DNAJC2: variants seen among roughly 807,000 people sequenced by gnomAD.
DNAJC2 encodes DnaJ heat shock protein family (Hsp40) member C2, also known as dnaJ homolog subfamily C member 2.
In DNAJC2, 32 loss-of-function variants were observed where a neutral mutation model predicts 94.0. That is an observed-to-expected ratio of 0.34 (90% CI 0.26 to 0.46). The LOEUF (loss-of-function observed/expected upper bound fraction) is 0.46. Among genes scored for constraint, DNAJC2 ranks in the 20% least tolerant of loss-of-function variants. DNAJC2 has a pLI of 1.00. For missense variants in DNAJC2, 550 were observed against 719.5 expected (o/e 0.76, Z 2.69); for synonymous variants, 210 against 229.7 (o/e 0.91, Z 0.77).
chr7:103,339,406 C>T (rs1011442015), intron 2 of DNAJC2, among the ~76,000 whole-genome samples: 2 of 152,156 alleles, frequency 1.3e-5, no homozygotes, highest in East Asian at 1.9e-4. Flanking sequence ...TGTCTTTTCC[C>T]GACTCTGCCT....
chr7:103,340,026 T>C (rs552105948), intron 2 of DNAJC2, among the ~76,000 whole-genome samples: 1 of 152,174 alleles, frequency 6.6e-6, no homozygotes, highest in South Asian at 2.1e-4. Flanking sequence ...TTAGTAGAGA[T>C]GGGGTTTCAC....
intron 15 of DNAJC2, among the ~76,000 whole-genome samples, chr7:103,315,425 T>TA (rs1817995069): frequency 6.6e-6 from 1 of 152,164 alleles, no homozygotes; most frequent in Non-Finnish European, 1.5e-5. Context: ...TAAGGACATT[T>TA]TCTTATATAA....
In DNAJC2 at chr7:103,319,513, C is replaced by A. The variant is rs1013967122; in HGVS notation, c.1242+96G>T. The A allele has an allele frequency of 4.3e-5, 48 of 1,118,352 alleles. No homozygotes were observed. The African/African-American group carries it at 5.8e-4, about 13-fold the overall frequency. The allele number at this position is 1,118,352 out of a possible 1,614,324, so 69.3% of individuals were successfully genotyped here. On this transcript the variant is annotated intron_variant, in intron 12 of 16. Coordinates refer to ENST00000379263, the MANE Select transcript of DNAJC2 (RefSeq NM_014377.3). ...GGGAAACATAAAGAGAAATCAGATA[C>A]TCCCTGCACTTGGTGACTTATATAT... is the stretch of plus-strand genomic sequence containing the variant.
At chr7:103,320,828 GTCT>G in intron 10 of DNAJC2, 1 of 156,984 alleles carries the variant, frequency 6.4e-6, no homozygotes, top group Non-Finnish European at 1.2e-5. Context: ...ATCTCAGCAT[GTCT>G]TTTTTTTTTT....
At chr7:103,312,862 A>G in intron 16 of DNAJC2, 85 bp downstream of exon 16, 4 of 1,538,686 alleles carry the variant, frequency 2.6e-6, no homozygotes, top group African/African-American at 1.4e-5. Flanking sequence ...TATATTATTA[A>G]CCACTTAATA....
intron 12 of DNAJC2, 105 bp downstream of exon 12, chr7:103,319,504 A>G (rs1244643142): frequency 2.8e-6 from 3 of 1,082,608 alleles, no homozygotes; most frequent in Non-Finnish European, 4.1e-6. Context: ...CATAAAGAGA[A>G]ATCAGATACT....
chr7:103,329,573 T>A (rs906197731), intron 3 of DNAJC2: 4 of 152,188 alleles, frequency 2.6e-5, no homozygotes, highest in Admixed American at 6.5e-5. Flanking sequence ...ACTGAAAAAA[T>A]TTTTTAATCT....
chr7:103,324,631 AATTTATT>A (rs1334015314), intron 5 of DNAJC2, 69 bp from the exon 6 acceptor site: 3 of 1,241,594 alleles, frequency 2.4e-6, no homozygotes, highest in Non-Finnish European at 3.2e-6. Flanking sequence ...CAAACAATTT[AATTTATT>A]AAAAACAATA....
rs1167961641 is a variant in DNAJC2 at position 103,326,531 on chromosome 7, G to A, written c.572+12C>T. The A allele has an allele frequency of 6.2e-7, 1 of 1,613,624 alleles. No individual in the cohort carries two copies. Among genetic ancestry groups the A allele is most frequent in the Non-Finnish European group, 8.5e-7 (1 of 1,179,724 alleles). On this transcript the variant is annotated intron_variant, in intron 5 of 16. Coordinates refer to ENST00000379263, the MANE Select transcript of DNAJC2 (RefSeq NM_014377.3). Reference sequence around the variant, plus strand: ...ACAGGGCACTATGATCAAAAGGGATGCCTTAACTTACCTGGAATTCCTTTC... The same window carrying A: ...ACAGGGCACTATGATCAAAAGGGATACCTTAACTTACCTGGAATTCCTTTC...
intron 2 of DNAJC2, 121 bp downstream of exon 2, chr7:103,341,625 ACTTAGTAATAAACAGATG>A: frequency 1.5e-6 from 1 of 653,536 alleles, no homozygotes; most frequent in Admixed American, 3.5e-5. Context: ...TGCTCTCAAG[ACTTAGTAATAAACAGATG>A]CTAAATCATA....
In DNAJC2 at chr7:103,319,808, C is replaced by T; in HGVS notation, c.1120G>A (p.Val374Ile). 6.2e-7 allele frequency: 1 copy of T among 1,614,182 alleles called. No homozygotes were observed. The highest frequency in any genetic ancestry group is 1.1e-5 in the South Asian group (1 of 91,078). ...NHFSDNEAERVKMMEEVEKLC... is the reference protein window; with the variant it reads ...NHFSDNEAERIKMMEEVEKLC... The stretch of plus-strand genomic sequence containing the variant: ...TTTTCCACTTCTTCCATCATTTTAA[C>T]CCGCTCTGCCTCATTATCAGAAAAA... Residue 374 changes from valine to isoleucine, a missense_variant, in exon 11 of 17, where the codon GTT becomes ATT. Physicochemically the swap from Val to Ile is conservative, Grantham distance 29. Transcript: ENST00000379263.
At chr7:103,316,806 G>A in intron 13 of DNAJC2, 24 bp downstream of exon 13, 1 of 1,602,010 alleles carries the variant, frequency 6.2e-7, no homozygotes. Flanking sequence ...GTGAGTTGAA[G>A]AAAAGTTTCA....
At chr7:103,331,888 G>A (rs1333314416) in intron 3 of DNAJC2, among the ~76,000 whole-genome samples, 1 of 152,090 alleles carries the variant, frequency 6.6e-6, no homozygotes, top group Non-Finnish European at 1.5e-5. Context: ...GGAACGCTGG[G>A]CTATATGTTA....
At chr7:103,313,310 C>A in intron 15 of DNAJC2, 2 of 1,314,128 alleles carry the variant, frequency 1.5e-6, no homozygotes, top group Non-Finnish European at 1.9e-6. Flanking sequence ...AATAAAATCT[C>A]AAAGGCTTTT....
Position 103,312,291 on chromosome 7 carries a change from G to C in DNAJC2, c.*278C>G. On this transcript the variant is annotated 3_prime_UTR_variant, in exon 17 of 17. Transcript: ENST00000379263. ...GATTAAAATGCTCCTAATCAAGATT[G>C]TTTGAACACATGTATTTATAAAACA... The C allele has an allele frequency of 6.2e-7, 1 of 1,607,402 alleles. No homozygotes were observed. The highest frequency in any genetic ancestry group is 8.5e-7 in the Non-Finnish European group (1 of 1,179,772).
intron 3 of DNAJC2, among the ~76,000 whole-genome samples, chr7:103,332,070 T>C (rs979020443): frequency 6.6e-6 from 1 of 151,616 alleles, no homozygotes; most frequent in Non-Finnish European, 1.5e-5. Flanking sequence ...AGTGGTGCAG[T>C]CTTGGCTCAC....
At chr7:103,320,572 AAC>A (rs1264146736) in intron 10 of DNAJC2, among the ~76,000 whole-genome samples, 1 of 151,158 alleles carries the variant, frequency 6.6e-6, no homozygotes, top group Non-Finnish European at 1.5e-5. Context: ...CATCCTGGCT[AAC>A]ACAGTGAAAC....
At chr7:103,328,385 C>G (rs1818818996) in intron 3 of DNAJC2, among the ~76,000 whole-genome samples, 1 of 151,950 alleles carries the variant, frequency 6.6e-6, no homozygotes, top group Non-Finnish European at 1.5e-5. Context: ...AATCCCAGCA[C>G]TTTGGGAGGC....
chr7:103,330,125 C>T (rs1025377455), intron 3 of DNAJC2, among the ~76,000 whole-genome samples: 3 of 152,174 alleles, frequency 2.0e-5, no homozygotes, highest in Non-Finnish European at 4.4e-5. Context: ...AAACTGTATT[C>T]TATGTGCTTT....
Sources: gnomAD v4.1 joint callset for allele counts (sites outside exome capture counted in the v4.1 genomes callset) on GRCh38, gnomAD v4.1.1 for gene constraint, MANE v1.5 for transcripts, NCBI Gene and HGNC (gene_info 2026-07-23, HGNC 2026-07-21) for gene names.